ARHGAP26: variants seen among roughly 807,000 people sequenced by gnomAD.
ARHGAP26 encodes the protein Rho GTPase activating protein 26.
ARHGAP26 carries 38 observed loss-of-function variants against 104.8 expected under a neutral mutation model. That is an observed-to-expected ratio of 0.36 (90% confidence interval 0.28 to 0.48). The LOEUF (loss-of-function observed/expected upper bound fraction) is 0.48, where lower values mean the gene tolerates loss of function less well. ARHGAP26 is among the 20% of genes least tolerant of loss of function. The pLI is 0.99. For synonymous variants in ARHGAP26, 341 were observed against 340.0 expected, an observed-to-expected ratio of 1.00 and a Z score of -0.03; for missense variants, 704 against 947.9, an observed-to-expected ratio of 0.74 and a Z score of 3.38.
intron 12 of ARHGAP26, among the ~76,000 whole-genome samples, chr5:143,019,322 T>C (rs1780006107): frequency 2.0e-5 from 3 of 152,172 alleles, no homozygotes; most frequent in Admixed American, 1.3e-4. Flanking sequence ...AGTTATCTGA[T>C]ACTTGTCATT....
chr5:142,955,095 T>TAC (rs11419144), intron 11 of ARHGAP26, among the ~76,000 whole-genome samples: 778 of 52,610 alleles, frequency 0.015, 5 homozygotes, highest in African/African-American at 0.063. Flanking sequence ...GAGACCTGTC[T>TAC]ACACACACAC....
intron 12 of ARHGAP26, among the ~76,000 whole-genome samples, chr5:143,032,495 G>C (rs1201023366): frequency 5.3e-5 from 8 of 152,336 alleles, no homozygotes; most frequent in African/African-American, 1.9e-4. Flanking sequence ...CTCAGTGAAA[G>C]AGCTGAATCA....
intron 20 of ARHGAP26, among the ~76,000 whole-genome samples, chr5:143,206,154 A>G (rs1404326842): frequency 6.6e-6 from 1 of 152,192 alleles, no homozygotes; most frequent in East Asian, 1.9e-4. Flanking sequence ...TACGCTTAGA[A>G]AGTCTGTTCC....
At chr5:142,901,492 TCTGTGTAATAA>T (rs1760325121) in intron 6 of ARHGAP26, among the ~76,000 whole-genome samples, 1 of 152,238 alleles carries the variant, frequency 6.6e-6, no homozygotes, top group Non-Finnish European at 1.5e-5. Flanking sequence ...GCCTTCCTCT[TCTGTGTAATAA>T]CCTGATACTA....
intron 13 of ARHGAP26, among the ~76,000 whole-genome samples, chr5:143,040,117 A>G (rs751814647): frequency 2.8e-4 from 43 of 152,206 alleles, no homozygotes; most frequent in African/African-American, 1.0e-3. Flanking sequence ...GCACAAGGAT[A>G]GAAGAAGTAG....
At chr5:142,829,837 T>C (rs906539995) in intron 1 of ARHGAP26, among the ~76,000 whole-genome samples, 3 of 152,188 alleles carry the variant, frequency 2.0e-5, no homozygotes, top group African/African-American at 7.2e-5. Flanking sequence ...ACACTGAGGA[T>C]GGTGTCATTC....
rs150015411 is a variant in ARHGAP26, at chr5:142,861,952, T to C, written c.155-11448T>C. 1.6e-3 allele frequency among the ~76,000 whole-genome samples: 239 copies of C among 152,312 alleles called. 1 individual carries two copies. Among genetic ancestry groups the C allele is most frequent in the Admixed American group, 4.6e-3 (71 of 15,294 alleles). ...ATTGCCCTCAAATTCACGTTAGCTG[T>C]TGGTAGGAACAGTGCAGGGGTTTCT... On this transcript the variant is annotated intron_variant, in intron 1 of 22. Coordinates refer to ENST00000645722, the MANE Select transcript of ARHGAP26 (RefSeq NM_001135608.3).
intron 1 of ARHGAP26, among the ~76,000 whole-genome samples, chr5:142,830,093 A>G (rs71590918): frequency 6.6e-6 from 1 of 152,190 alleles, no homozygotes; most frequent in Non-Finnish European, 1.5e-5. Flanking sequence ...TCATTTCCCT[A>G]GAATGTTGGC....
intron 1 of ARHGAP26, among the ~76,000 whole-genome samples, chr5:142,779,663 T>C (rs1757103598): frequency 6.6e-6 from 1 of 152,182 alleles, no homozygotes; most frequent in African/African-American, 2.4e-5. Context: ...TGCTTTTAAG[T>C]TTACTGCAGG....
intron 20 of ARHGAP26, among the ~76,000 whole-genome samples, chr5:143,154,081 A>G (rs1487821835): frequency 1.3e-5 from 2 of 151,950 alleles, no homozygotes; most frequent in African/African-American, 4.8e-5. Context: ...GTCAACATTC[A>G]TTCCACAAAT....
intron 1 of ARHGAP26, among the ~76,000 whole-genome samples, chr5:142,795,271 C>G (rs1000266590): frequency 1.3e-5 from 2 of 152,146 alleles, no homozygotes; most frequent in Non-Finnish European, 2.9e-5. Context: ...TAAAGTGAGG[C>G]TGATGAAAGT....
intron 14 of ARHGAP26, among the ~76,000 whole-genome samples, chr5:143,043,207 A>G (rs1484366962): frequency 6.6e-6 from 1 of 152,132 alleles, no homozygotes; most frequent in Admixed American, 6.5e-5. Flanking sequence ...CCCACCTTGC[A>G]CCCTGTGCCT....
At chr5:142,958,748 T>G (rs37209) in intron 11 of ARHGAP26, among the ~76,000 whole-genome samples, 18,259 of 151,770 alleles carry the variant, frequency 0.12, 1,336 homozygotes, top group East Asian at 0.28. Flanking sequence ...GTATGCTAAT[T>G]AGCTGGGAAA....
chr5:142,894,186 C>G (rs1461146347), intron 5 of ARHGAP26, 52 bp from the exon 6 acceptor site: 4 of 1,489,090 alleles, frequency 2.7e-6, no homozygotes, highest in Non-Finnish European at 3.7e-6. Flanking sequence ...TTTCGGAATG[C>G]TATCCTTGGG....
chr5:142,853,481 A>T (rs954315925), intron 1 of ARHGAP26, among the ~76,000 whole-genome samples: 3 of 152,170 alleles, frequency 2.0e-5, no homozygotes, highest in African/African-American at 7.2e-5. Context: ...GTGAGCCACT[A>T]TGCCCAGCCT....
intron 1 of ARHGAP26, among the ~76,000 whole-genome samples, chr5:142,834,265 A>G (rs913951896): frequency 9.2e-5 from 14 of 152,364 alleles, no homozygotes; most frequent in Admixed American, 3.3e-4. Flanking sequence ...ACCCAGGCCA[A>G]GCAATAAAAA....
chr5:142,913,320 G>C (rs1217681203), intron 10 of ARHGAP26, 27 bp downstream of exon 10: 1 of 1,582,218 alleles, frequency 6.3e-7, no homozygotes, highest in Non-Finnish European at 8.7e-7. Context: ...CTTTTCTCAG[G>C]AGCAAATAGA....
chr5:143,189,480 A>G (rs942428785), intron 20 of ARHGAP26, among the ~76,000 whole-genome samples: 2 of 152,124 alleles, frequency 1.3e-5, no homozygotes, highest in African/African-American at 2.4e-5. Context: ...AGTTGATTTC[A>G]TAGCTCTTAA....
chr5:143,054,355 A>G (rs1785486971), intron 14 of ARHGAP26, 84 bp from the exon 15 acceptor site: 1 of 827,236 alleles, frequency 1.2e-6, no homozygotes, highest in Non-Finnish European at 1.8e-6. Context: ...TCTAGTTACT[A>G]GCAAGATTGG....
Sources: allele counts gnomAD v4.1 joint callset (sites outside exome capture counted in the v4.1 genomes callset), GRCh38; gene constraint gnomAD v4.1.1; transcripts MANE v1.5; gene names NCBI Gene and HGNC (gene_info 2026-07-23, HGNC 2026-07-21).